Variants in PHEX observed in about 807,000 individuals in gnomAD.
The protein encoded by PHEX is phosphate regulating endopeptidase X-linked.
Under a neutral mutation model 68.0 loss-of-function variants are expected in PHEX, and 16 were observed. That is an observed-to-expected ratio of 0.24 (90% confidence interval 0.16 to 0.36). PHEX has a LOEUF of 0.36. PHEX is among the 10% of genes least tolerant of loss of function. The pLI is 1.00. For synonymous variants in PHEX, 208 were observed against 205.1 expected, an observed-to-expected ratio of 1.01 and a Z score of -0.12; for missense variants, 480 against 575.5, an observed-to-expected ratio of 0.83 and a Z score of 1.70.
intron 12 of PHEX, among the ~76,000 whole-genome samples, chrX:22,157,213 C>T (rs1044583158): frequency 7.2e-5 from 8 of 111,723 alleles, no homozygotes; most frequent in African/African-American, 1.6e-4. Context: ...ATAAATGAGC[C>T]GGGTGTGGTG....
intron 6 of PHEX, among the ~76,000 whole-genome samples, chrX:22,090,756 G>T (rs1929844342): frequency 8.9e-6 from 1 of 112,019 alleles, no homozygotes. Context: ...AAGTAACAAA[G>T]AAATGAGCTT....
At chrX:22,052,828 G>A (rs1927899345) in intron 3 of PHEX, among the ~76,000 whole-genome samples, 1 of 110,940 alleles carries the variant, frequency 9.0e-6, no homozygotes, top group African/African-American at 3.3e-5. Context: ...AGGAATAAAA[G>A]AACTACAGGT....
At chrX:22,097,792 C>T in intron 8 of PHEX, 1 of 571,951 alleles carries the variant, frequency 1.7e-6, no homozygotes, top group Non-Finnish European at 2.1e-6. Context: ...TTTTGAGACA[C>T]AGTCTTGCTG....
At chrX:22,133,891 C>CA (rs1239939846) in intron 12 of PHEX, among the ~76,000 whole-genome samples, 4 of 112,249 alleles carry the variant, frequency 3.6e-5, no homozygotes, top group African/African-American at 1.3e-4. Flanking sequence ...GTAAGAGGCA[C>CA]ATGGCTTGCT....
At chrX:22,176,279 C>T (rs920002818) in intron 13 of PHEX, among the ~76,000 whole-genome samples, 2 of 106,278 alleles carry the variant, frequency 1.9e-5, no homozygotes, top group African/African-American at 6.8e-5. Context: ...CCCAGCTACT[C>T]GGGAGGCTGA....
chrX:22,101,635 C>T (rs1392504785), intron 9 of PHEX, among the ~76,000 whole-genome samples: 1 of 111,404 alleles, frequency 9.0e-6, no homozygotes, highest in Non-Finnish European at 1.9e-5. Flanking sequence ...CCTCTCTATT[C>T]AGCTGGAGGA....
chrX:22,198,135 T>C (rs1934429416), intron 15 of PHEX, among the ~76,000 whole-genome samples: 1 of 104,627 alleles, frequency 9.6e-6, no homozygotes, highest in African/African-American at 3.4e-5. Flanking sequence ...TAATATATTA[T>C]ATAATATTTA....
chrX:22,159,492 AAACAAC>A (rs58499708), intron 12 of PHEX, among the ~76,000 whole-genome samples: 274 of 111,626 alleles, frequency 2.5e-3, no homozygotes, highest in Middle Eastern at 4.6e-3. Flanking sequence ...ACAAAAAGGA[AAACAAC>A]AACAACAACA....
chrX:22,173,337 A>AT lies in PHEX; in HGVS notation c.1483-4936_1483-4935insT, dbSNP rs200117672. On this transcript the variant is annotated intron_variant, in intron 13 of 21. Coordinates refer to ENST00000379374, the MANE Select transcript of PHEX (RefSeq NM_000444.6). ...ACTGTTCCACTGGTCAGAGCAGACC[A>AT]AGACCAGCCCCAGTGTGGAGATGGG... 0.014 allele frequency among the ~76,000 whole-genome samples: 1,521 copies of AT among 110,237 alleles called. 85 individuals carry two copies. The East Asian group carries it at 0.26, about 19-fold the overall frequency.
At position 22,190,461 on chromosome X, in the gene PHEX, C is replaced by T. The variant is rs1361761907; in HGVS notation, c.1604C>T (p.Thr535Met). The change falls in exon 15 of 22, where the codon ACG becomes ATG. Residue 535 changes from threonine to methionine, a missense_variant. Transcript: ENST00000379374. ...VPKTEWFTNP[T>M]TVNAFYSAST... The stretch of plus-strand genomic sequence containing the variant: ...TTCTACAGGTGGTTTACAAATCCGA[C>T]GACTGTCAATGCCTTCTACAGTGCA... The T allele has an allele frequency of 8.3e-7, 1 of 1,200,435 alleles. No individual in the cohort carries two copies. Among genetic ancestry groups the T allele is most frequent in the Non-Finnish European group, 1.1e-6 (1 of 884,986 alleles).
At chrX:22,219,807 C>T (rs1371740797) in intron 17 of PHEX, among the ~76,000 whole-genome samples, 4 of 110,637 alleles carry the variant, frequency 3.6e-5, no homozygotes, top group Non-Finnish European at 5.7e-5. Flanking sequence ...TTAATAGAGA[C>T]GGGGTTTCAC....
chrX:22,209,675 C>T (rs1281359173), intron 15 of PHEX, among the ~76,000 whole-genome samples: 2 of 85,320 alleles, frequency 2.3e-5, no homozygotes, highest in African/African-American at 3.9e-5. Context: ...CCTTCCTCTC[C>T]CTCCCTCTCC....
chrX:22,238,540 C>G (rs1333546985), intron 20 of PHEX, among the ~76,000 whole-genome samples: 1 of 111,810 alleles, frequency 8.9e-6, no homozygotes, highest in African/African-American at 3.2e-5. Context: ...ACTGCTAGCA[C>G]AGCAGTCTGA....
intron 11 of PHEX, among the ~76,000 whole-genome samples, chrX:22,126,139 A>C (rs1931710769): frequency 8.9e-6 from 1 of 112,315 alleles, no homozygotes; most frequent in Non-Finnish European, 1.9e-5. Flanking sequence ...AAACTAACAA[A>C]ATTTTAAATT....
chrX:22,092,466 G>A (rs939432809), intron 6 of PHEX, among the ~76,000 whole-genome samples: 1 of 110,955 alleles, frequency 9.0e-6, no homozygotes, highest in East Asian at 2.8e-4. Context: ...TCTGCCTCCT[G>A]GATTCAAGTG....
At chrX:22,082,539 A>G (rs1239418154) in intron 5 of PHEX, among the ~76,000 whole-genome samples, 1 of 112,040 alleles carries the variant, frequency 8.9e-6, no homozygotes, top group Non-Finnish European at 1.9e-5. Flanking sequence ...TCCTTTGTCT[A>G]CTTTTTAATG....
intron 6 of PHEX, among the ~76,000 whole-genome samples, chrX:22,092,213 G>A (rs1359852037): frequency 9.0e-6 from 1 of 111,228 alleles, no homozygotes; most frequent in Non-Finnish European, 1.9e-5. Context: ...TTATTTTGAT[G>A]TCTTTAATGT....
At chrX:22,108,614 G>A (rs1930809417) in intron 9 of PHEX, among the ~76,000 whole-genome samples, 1 of 112,017 alleles carries the variant, frequency 8.9e-6, no homozygotes, top group Non-Finnish European at 1.9e-5. Flanking sequence ...GAGGGGCACT[G>A]TCACCCTCAC....
chrX:22,072,497 G>A (rs1301783057), intron 3 of PHEX, among the ~76,000 whole-genome samples: 1 of 111,959 alleles, frequency 8.9e-6, no homozygotes, highest in East Asian at 2.8e-4. Context: ...ACTAAATATG[G>A]TAACCATGGA....
Sources: allele counts gnomAD v4.1 joint callset (sites outside exome capture counted in the v4.1 genomes callset), GRCh38; gene constraint gnomAD v4.1.1; transcripts MANE v1.5; gene names NCBI Gene and HGNC (gene_info 2026-07-23, HGNC 2026-07-21).